Variants in DNAH9 observed in about 807,000 individuals in gnomAD.
DNAH9 encodes the protein dynein axonemal heavy chain 9.
A neutral mutation model predicts 471.6 loss-of-function variants in DNAH9; 345 were observed. The observed-to-expected ratio is 0.73, with a 90% CI of 0.67 to 0.80. The LOEUF (loss-of-function observed/expected upper bound fraction) is 0.80, where lower values mean the gene tolerates loss of function less well. DNAH9 is among the 30% of genes least tolerant of loss of function. DNAH9 has a pLI of 0.00. For missense variants in DNAH9, 5,407 were observed against 5,609.2 expected, an observed-to-expected ratio of 0.96 and a Z score of 1.15; for synonymous variants, 2,093 against 2,123.6, an observed-to-expected ratio of 0.99 and a Z score of 0.40.
chr17:11,939,854 G>A (rs1263330537), intron 66 of DNAH9, among the ~76,000 whole-genome samples: 4 of 151,924 alleles, frequency 2.6e-5, no homozygotes, highest in Admixed American at 2.6e-4. Context: ...ATGATGGGTA[G>A]ATGGGTGATG....
chr17:11,802,771 C>T (rs1969515398), intron 43 of DNAH9, among the ~76,000 whole-genome samples: 1 of 152,116 alleles, frequency 6.6e-6, no homozygotes, highest in Non-Finnish European at 1.5e-5. Flanking sequence ...ATAACTCCAT[C>T]CAGCTGTTTG....
intron 48 of DNAH9, among the ~76,000 whole-genome samples, chr17:11,825,011 C>T (rs1287915421): frequency 1.3e-5 from 2 of 151,498 alleles, no homozygotes; most frequent in African/African-American, 4.8e-5. Flanking sequence ...CTTCAGGAAA[C>T]ATGAGATCAC....
At position 11,854,110 on chromosome 17, in the gene DNAH9, C is replaced by A. The variant is rs1283295072; in HGVS notation, c.9615C>A (p.Asp3205Glu). The A allele has an allele frequency of 1.2e-6, 2 of 1,614,126 alleles. No homozygotes were observed. Among genetic ancestry groups the A allele is most frequent in the South Asian group, 2.2e-5 (2 of 91,078 alleles). ...LMAPRGRVPK[D>E]RSWKAAKVTM... ...CTCCCAGGGGTAGGGTGCCCAAGGA[C>A]CGGAGCTGGAAGGCTGCTAAGGTCA... Residue 3205 changes from aspartate to glutamate, a missense_variant, in exon 50 of 69, where the codon GAC becomes GAA. Asp to Glu is a conservative substitution (Grantham distance 45). Coordinates refer to ENST00000262442, the MANE Select transcript of DNAH9 (RefSeq NM_001372.4).
chr17:11,762,097 G>A (rs1221429434), intron 35 of DNAH9, among the ~76,000 whole-genome samples: 9 of 152,104 alleles, frequency 5.9e-5, no homozygotes, highest in Non-Finnish European at 1.0e-4. Context: ...CAGTCTTCTC[G>A]TCACTCATGG....
Position 11,690,083 on chromosome 17 carries a change from C to G in DNAH9, c.4261C>G (p.Arg1421Gly). 6.2e-7 allele frequency: 1 copy of G among 1,614,094 alleles called. No homozygotes were observed. The highest frequency in any genetic ancestry group is 1.3e-5 in the African/African-American group (1 of 75,024). Residue 1421 changes from arginine (R) to glycine (G), a missense_variant, in exon 20 of 69, where the codon CGG becomes GGG. Around this residue, in one of 3 missense-constraint regions of DNAH9, gnomAD observed 4,636 missense variants for 4,900.3 expected, o/e 0.95. Coordinates refer to ENST00000262442, the MANE Select transcript of DNAH9 (RefSeq NM_001372.4). ...LQLHHYEDEV[R>G]GIVDKAAKEM... is the part of the protein sequence containing the mutation. ...GCTGCACCACTATGAGGATGAGGTCCGGGGCATTGTGGACAAAGCTGCAAA... is the reference window on the plus strand; with the variant it reads ...GCTGCACCACTATGAGGATGAGGTCGGGGGCATTGTGGACAAAGCTGCAAA...
intron 53 of DNAH9, 23 bp from the exon 54 acceptor site, chr17:11,880,055 C>T (rs773354048): frequency 9.9e-6 from 16 of 1,612,904 alleles, no homozygotes; most frequent in Middle Eastern, 1.6e-4. Context: ...CTCATACTCC[C>T]GGACTCATAC....
At chr17:11,906,741 A>G (rs891036897) in intron 61 of DNAH9, among the ~76,000 whole-genome samples, 4 of 152,180 alleles carry the variant, frequency 2.6e-5, no homozygotes, top group East Asian at 1.9e-4. Context: ...GTTGGAAGCC[A>G]TTATCCTCCA....
chr17:11,770,369 G>T (rs1297428870), intron 38 of DNAH9, among the ~76,000 whole-genome samples: 2 of 152,166 alleles, frequency 1.3e-5, no homozygotes, highest in East Asian at 3.9e-4. Flanking sequence ...TTTCCCCAGT[G>T]CCCCTGGGGG....
At chr17:11,644,733 A>G (rs994612499) in intron 11 of DNAH9, 34 bp downstream of exon 11, 1 of 1,469,180 alleles carries the variant, frequency 6.8e-7, no homozygotes, top group Non-Finnish European at 9.5e-7. Context: ...GGGTCTGCAG[A>G]TTGCACAGCC....
rs573371010 is a variant in DNAH9 at position 11,841,975 on chromosome 17, CCTTCCTTT to C, written c.9507+7081_9507+7088del. ...TAGTTTTCCTTCTTTTTATTTCCTT[CCTTCCTTT>C]CTTTTTATACAGTTTCTCATTATAA... On this transcript the variant is annotated intron_variant, in intron 49 of 68. Transcript: ENST00000262442. Among the ~76,000 whole-genome samples, 211 of 152,202 alleles carry C rather than the reference CCTTCCTTT, an allele frequency of 1.4e-3. 2 individuals are homozygous for C. The highest frequency in any genetic ancestry group is 4.8e-3 in the African/African-American group (201 of 41,542).
intron 49 of DNAH9, among the ~76,000 whole-genome samples, chr17:11,840,936 C>T (rs1176920814): frequency 6.6e-6 from 1 of 152,150 alleles, no homozygotes; most frequent in African/African-American, 2.4e-5. Flanking sequence ...GATAGTACAT[C>T]CATGTTGTTT....
At chr17:11,796,596 C>T (rs1023261524) in intron 42 of DNAH9, among the ~76,000 whole-genome samples, 1 of 152,168 alleles carries the variant, frequency 6.6e-6, no homozygotes, top group Non-Finnish European at 1.5e-5. Context: ...TGGGACGTGT[C>T]CCTGCTGATA....
intron 50 of DNAH9, among the ~76,000 whole-genome samples, chr17:11,857,403 A>T (rs1449467480): frequency 3.3e-5 from 5 of 152,142 alleles, no homozygotes; most frequent in Non-Finnish European, 7.4e-5. Context: ...ACTCCCTGCT[A>T]ATAACACAGG....
At chr17:11,723,464 G>A (rs1009435244) in intron 27 of DNAH9, 2 of 152,108 alleles carry the variant, frequency 1.3e-5, no homozygotes, top group African/African-American at 2.4e-5. Context: ...ACAGGACCAG[G>A]AGATATGTGG....
At chr17:11,834,573 C>A in intron 48 of DNAH9, 65 bp from the exon 49 acceptor site, 1 of 1,588,676 alleles carries the variant, frequency 6.3e-7, no homozygotes, top group Non-Finnish European at 8.6e-7. Context: ...AGGCCAGTGA[C>A]TAGTCCAGTG....
In DNAH9 at chr17:11,619,868, A is replaced by G. The variant is rs966952680; in HGVS notation, c.1350+87A>G. On this transcript the variant is annotated intron_variant, in intron 6 of 68. Transcript: ENST00000262442. ...AAAAAGTGGAATAGGAAAATGCACA[A>G]CACAACCTCATAGCCAACCCTCCAT... 5.3e-6 allele frequency: 4 copies of G among 749,554 alleles called. No homozygotes were observed. In the East Asian group the frequency reaches 1.0e-4, roughly 19 times the overall value. The allele number at this position is 749,554 out of a possible 1,614,324, so 46.4% of individuals were successfully genotyped here.
chr17:11,838,699 A>G (rs765398576), intron 49 of DNAH9, among the ~76,000 whole-genome samples: 1 of 152,136 alleles, frequency 6.6e-6, no homozygotes, highest in Non-Finnish European at 1.5e-5. Flanking sequence ...TCCGTCACCA[A>G]GAAGTTTAGC....
intron 26 of DNAH9, among the ~76,000 whole-genome samples, chr17:11,714,199 T>C (rs528349050): frequency 6.6e-6 from 1 of 152,344 alleles, no homozygotes; most frequent in East Asian, 1.9e-4. Flanking sequence ...TGAAACCTAT[T>C]GAAAGCTCTG....
intron 51 of DNAH9, among the ~76,000 whole-genome samples, chr17:11,870,373 C>T (rs1445650619): frequency 6.6e-6 from 1 of 152,214 alleles, no homozygotes; most frequent in Non-Finnish European, 1.5e-5. Context: ...AAGCTAGAGA[C>T]TTTACAGCAC....
Sources: gnomAD v4.1 joint callset for allele counts (sites outside exome capture counted in the v4.1 genomes callset) on GRCh38, gnomAD v4.1.1 for gene constraint, gnomAD v4.1.1 regional missense constraint, MANE v1.5 for transcripts, NCBI Gene and HGNC (gene_info 2026-07-23, HGNC 2026-07-21) for gene names.